KATNIP: variants seen among roughly 807,000 people sequenced by gnomAD.
The protein encoded by KATNIP is katanin interacting protein.
KATNIP carries 126 observed loss-of-function variants against 174.0 expected under a neutral mutation model. The ratio of observed to expected loss-of-function variants is 0.72; its 90% CI spans 0.63 to 0.84. KATNIP has a LOEUF of 0.84. Among genes scored for constraint, KATNIP ranks in the 40% least tolerant of loss-of-function variants. The probability of loss-of-function intolerance (pLI) is 0.00; values close to 1 mark genes in which losing one functional copy is unlikely to be tolerated. For synonymous variants in KATNIP, 810 were observed against 835.7 expected (o/e 0.97, Z 0.53); for missense variants, 1,958 against 2,109.7 (o/e 0.93, Z 1.41).
At chr16:27,660,452 G>A (rs956786082) in intron 6 of KATNIP, among the ~76,000 whole-genome samples, 1 of 152,188 alleles carries the variant, frequency 6.6e-6, no homozygotes, top group Non-Finnish European at 1.5e-5. Context: ...AGGAGGCTGA[G>A]ACAGGAGAAT....
At chr16:27,681,266 T>C in intron 7 of KATNIP, 133 bp from the exon 8 acceptor site, 3 of 1,193,608 alleles carry the variant, frequency 2.5e-6, no homozygotes, top group Non-Finnish European at 3.6e-6. Context: ...ACATCTCTAA[T>C]CCCAAACTGC....
chr16:27,693,561 G>A (rs1191199451), intron 8 of KATNIP, among the ~76,000 whole-genome samples: 2 of 151,894 alleles, frequency 1.3e-5, no homozygotes, highest in Non-Finnish European at 2.9e-5. Context: ...GCTAATTTTT[G>A]TATTTTTAGT....
chr16:27,720,041 C>T (rs1257172245), intron 13 of KATNIP, among the ~76,000 whole-genome samples: 1 of 152,138 alleles, frequency 6.6e-6, no homozygotes, highest in Non-Finnish European at 1.5e-5. Context: ...TTGTTGTTTA[C>T]ACTGGATGAA....
intron 13 of KATNIP, chr16:27,718,562 T>A (rs1376577268): frequency 6.6e-6 from 1 of 152,238 alleles, no homozygotes; most frequent in Non-Finnish European, 1.5e-5. Context: ...CGCTTAGCCC[T>A]CCTGTTATTC....
chr16:27,669,296 C>T (rs1021575427), intron 6 of KATNIP: 17 of 985,206 alleles, frequency 1.7e-5, no homozygotes, highest in East Asian at 1.1e-4. Flanking sequence ...TATCAGCGTC[C>T]GTCCCTCCAC....
In KATNIP at chr16:27,750,066, G is replaced by A. The variant is rs750193636; in HGVS notation, c.3106G>A (p.Asp1036Asn). 139 of 1,614,144 alleles carry A rather than the reference G, an allele frequency of 8.6e-5. No homozygotes were observed. Among genetic ancestry groups the A allele is most frequent in the Non-Finnish European group, 1.1e-4 (129 of 1,180,026 alleles). ...CCCCCGCGTGGTCACCAACCTCATC[G>A]ACGGGGTGAACAGGACCCAGGATGA... is the stretch of plus-strand genomic sequence containing the variant. ...KDPRVVTNLIDGVNRTQDDMH... is the reference protein window; with the variant it reads ...KDPRVVTNLINGVNRTQDDMH... The change falls in exon 16 of 28, where the codon GAC (aspartate) becomes AAC (asparagine). Residue 1036 changes from aspartate (D) to asparagine (N), a missense_variant. Physicochemically the swap from Asp to Asn is conservative, Grantham distance 23. Around this residue, in one of 3 missense-constraint regions of KATNIP, gnomAD observed 1,557 missense variants for 1,617.8 expected, o/e 0.96. Transcript: ENST00000261588.
chr16:27,633,399 A>G (rs1312586467), intron 5 of KATNIP, among the ~76,000 whole-genome samples: 7 of 148,204 alleles, frequency 4.7e-5, no homozygotes, highest in African/African-American at 7.4e-5. Flanking sequence ...TTTGTACTAT[A>G]TTTTTTATTT....
chr16:27,633,826 G>A (rs1166363429), intron 5 of KATNIP, among the ~76,000 whole-genome samples: 1 of 152,170 alleles, frequency 6.6e-6, no homozygotes, highest in Non-Finnish European at 1.5e-5. Context: ...AGGGCAGGCT[G>A]GGATTTGAAC....
In KATNIP at chr16:27,773,855, C is replaced by T. The variant is rs191398162; in HGVS notation, c.4309+646C>T. ...ACTCCTCCCATTGTTATCTACCAGG[C>T]CCCGAAACTCACTGCTAATATTTTC... On this transcript the variant is annotated intron_variant, in intron 23 of 27. Transcript: ENST00000261588. Among the ~76,000 whole-genome samples the T allele has an allele frequency of 1.1e-3, 166 of 152,290 alleles. 2 individuals carry two copies. The highest frequency in any genetic ancestry group is 3.9e-3 in the African/African-American group (161 of 41,560).
At chr16:27,577,504 C>T (rs1306179791) in intron 2 of KATNIP, among the ~76,000 whole-genome samples, 1 of 152,072 alleles carries the variant, frequency 6.6e-6, no homozygotes, top group African/African-American at 2.4e-5. Context: ...CCAGCCTGGC[C>T]AACATGGTGA....
intron 6 of KATNIP, among the ~76,000 whole-genome samples, chr16:27,657,219 T>C (rs992397776): frequency 3.3e-5 from 5 of 152,014 alleles, no homozygotes; most frequent in African/African-American, 4.8e-5. Flanking sequence ...AATATGTGTG[T>C]ACATATTGAG....
At position 27,778,705 on chromosome 16, in the gene KATNIP, C is replaced by A; in HGVS notation, c.*76C>A. 1 of 1,431,756 alleles carries A rather than the reference C, an allele frequency of 7.0e-7. No individual in the cohort carries two copies. Among genetic ancestry groups the A allele is most frequent in the Non-Finnish European group, 9.7e-7 (1 of 1,033,174 alleles). The allele number at this position is 1,431,756 out of a possible 1,614,324, so 88.7% of individuals were successfully genotyped here. A position where few individuals can be genotyped will look rare whatever the true frequency, so the allele number is the denominator to read the frequency against. ...AGCCCCACTCAGTGCCTGCGTCCCT[C>A]ACCCTCAGTCCCAGGAGCTGGAAGC... is the stretch of plus-strand genomic sequence containing the variant. On this transcript the variant is annotated 3_prime_UTR_variant, in exon 28 of 28. Transcript: ENST00000261588.
At chr16:27,759,325 G>A (rs1317408779) in intron 18 of KATNIP, among the ~76,000 whole-genome samples, 2 of 152,160 alleles carry the variant, frequency 1.3e-5, no homozygotes, top group Non-Finnish European at 2.9e-5. Flanking sequence ...GAGAGTGATG[G>A]GGTGAGCAGG....
At chr16:27,774,619 T>C (rs1209585606) in intron 23 of KATNIP, among the ~76,000 whole-genome samples, 1 of 152,132 alleles carries the variant, frequency 6.6e-6, no homozygotes, top group Non-Finnish European at 1.5e-5. Flanking sequence ...TCCGCAGAGC[T>C]TGCCCTCCAC....
At chr16:27,686,694 C>T (rs1333247052) in intron 8 of KATNIP, among the ~76,000 whole-genome samples, 1 of 151,920 alleles carries the variant, frequency 6.6e-6, no homozygotes, top group Non-Finnish European at 1.5e-5. Context: ...GAACTGATTG[C>T]TTTGTATTAT....
chr16:27,720,860 G>A (rs1040206256), intron 13 of KATNIP, among the ~76,000 whole-genome samples: 17 of 152,198 alleles, frequency 1.1e-4, no homozygotes, highest in African/African-American at 4.1e-4. Flanking sequence ...AAGCCAAGAG[G>A]AGGCGGCTGG....
At chr16:27,608,798 C>T (rs1426160864) in intron 2 of KATNIP, among the ~76,000 whole-genome samples, 1 of 152,176 alleles carries the variant, frequency 6.6e-6, no homozygotes, top group African/African-American at 2.4e-5. Flanking sequence ...GCTCTGCTTT[C>T]GTGTCACATC....
intron 14 of KATNIP, among the ~76,000 whole-genome samples, chr16:27,724,564 G>C (rs1462060651): frequency 6.6e-6 from 1 of 152,182 alleles, no homozygotes; most frequent in African/African-American, 2.4e-5. Flanking sequence ...GCTGTTGGCT[G>C]CAGGGATTTG....
intron 3 of KATNIP, among the ~76,000 whole-genome samples, chr16:27,624,960 G>C (rs2076290809): frequency 6.6e-6 from 1 of 152,202 alleles, no homozygotes; most frequent in African/African-American, 2.4e-5. Flanking sequence ...ACATTAGCCA[G>C]TGATAGTGTG....
Sources: allele counts gnomAD v4.1 joint callset (sites outside exome capture counted in the v4.1 genomes callset), GRCh38; gene constraint gnomAD v4.1.1; regional missense constraint gnomAD v4.1.1; transcripts MANE v1.5; gene names NCBI Gene and HGNC (gene_info 2026-07-23, HGNC 2026-07-21).